PGS1: variants seen among roughly 807,000 people sequenced by gnomAD.
The protein encoded by PGS1 is phosphatidylglycerophosphate synthase 1, also known as CDP-diacylglycerol--glycerol-3-phosphate 3-phosphatidyltransferase, mitochondrial.
PGS1 carries 44 observed loss-of-function variants against 58.3 expected under a neutral mutation model. The observed-to-expected ratio is 0.75, with a 90% CI of 0.59 to 0.97. The LOEUF (loss-of-function observed/expected upper bound fraction) is 0.97. PGS1 is among the 50% of genes least tolerant of loss of function. The pLI is 0.00. For synonymous variants in PGS1, 330 were observed against 311.0 expected (o/e 1.06, Z -0.64); for missense variants, 684 against 731.1 (o/e 0.94, Z 0.74).
At chr17:78,419,809 T>TTCAGGGGTATG in intron 9 of PGS1, 134 bp downstream of exon 9, 1 of 1,481,186 alleles carries the variant, frequency 6.8e-7, no homozygotes, top group South Asian at 1.3e-5. Flanking sequence ...GAGCAGCATC[T>TTCAGGGGTATG]TCAGGGGTAT....
intron 6 of PGS1, 80 bp from the exon 7 acceptor site, chr17:78,403,488 A>C: frequency 1.4e-6 from 2 of 1,438,102 alleles, no homozygotes; most frequent in Non-Finnish European, 1.9e-6. Context: ...CTTGCCTATC[A>C]CATGCCCTGT....
At position 78,380,272 on chromosome 17, in the gene PGS1, G is replaced by C. The variant is rs373631481; in HGVS notation, c.143+1464G>C. Among the ~76,000 whole-genome samples the C allele has an allele frequency of 1.4e-3, 216 of 152,236 alleles. 2 individuals carry two copies. Among genetic ancestry groups the C allele is most frequent in the African/African-American group, 4.8e-3 (200 of 41,540 alleles). ...ATTGTGTTAGATTTTCTATCTGTAC[G>C]TGTACTCCTCGGGTGAGATTTGACC... On this transcript the variant is annotated intron_variant, in intron 1 of 9. Coordinates refer to ENST00000262764, the MANE Select transcript of PGS1 (RefSeq NM_024419.5).
At chr17:78,385,293 A>ATT (rs563493979) in intron 1 of PGS1, among the ~76,000 whole-genome samples, 18 of 126,978 alleles carry the variant, frequency 1.4e-4, no homozygotes, top group Admixed American at 3.9e-4. Context: ...TAATTTTTGT[A>ATT]TTTTTTTTTT....
chr17:78,423,999 G>A lies in PGS1; in HGVS notation c.*11-62G>A, dbSNP rs117340568. On this transcript the variant is annotated intron_variant, in intron 9 of 9. Coordinates refer to ENST00000262764, the MANE Select transcript of PGS1 (RefSeq NM_024419.5). ...TAAAGGTCCAGACATAGGTGGGGCC[G>A]CGGATGCGTGTTTTGTACACGGGAC... 3.2e-3 allele frequency: 5,167 copies of A among 1,614,034 alleles called. 13 individuals are homozygous for A. Among genetic ancestry groups the A allele is most frequent in the Non-Finnish European group, 4.0e-3 (4,716 of 1,179,896 alleles).
intron 7 of PGS1, among the ~76,000 whole-genome samples, chr17:78,409,593 C>T (rs534773410): frequency 6.6e-6 from 1 of 152,220 alleles, no homozygotes; most frequent in Admixed American, 6.5e-5. Flanking sequence ...AGGCTGAGCA[C>T]ACACACCAGC....
intron 3 of PGS1, among the ~76,000 whole-genome samples, chr17:78,397,782 C>T (rs2146188205): frequency 6.6e-6 from 1 of 152,208 alleles, no homozygotes; most frequent in East Asian, 1.9e-4. Context: ...GCCTGGAAGC[C>T]TGTGTGTTCT....
At chr17:78,407,626 G>T (rs2084268285) in intron 7 of PGS1, among the ~76,000 whole-genome samples, 1 of 152,258 alleles carries the variant, frequency 6.6e-6, no homozygotes, top group Non-Finnish European at 1.5e-5. Context: ...TGTAGGACAG[G>T]CCTGGGCTGA....
At chr17:78,412,966 C>G (rs1325911382) in intron 7 of PGS1, among the ~76,000 whole-genome samples, 1 of 152,144 alleles carries the variant, frequency 6.6e-6, no homozygotes, top group Non-Finnish European at 1.5e-5. Context: ...GAGGGGGGCT[C>G]TGTGTACGAG....
rs778279191 is a variant in PGS1 at position 78,403,726 on chromosome 17, CCT to C, written c.1040_1041del (p.Pro347ArgfsTer19). ...AGCTGCTGGGGATCGCAGACCAGCC[CCT>C]GACACCTGGATTTATCCGCTGATTC... ...AAAAGDRRPA[P>X]DTWIYPLIQM... On this transcript the variant is annotated frameshift_variant, in exon 7 of 10. Transcript: ENST00000262764. LOFTEE classifies it high-confidence loss of function. The C allele has an allele frequency of 6.2e-7, 1 of 1,614,226 alleles. No homozygotes were observed. Among genetic ancestry groups the C allele is most frequent in the South Asian group, 1.1e-5 (1 of 91,084 alleles).
chr17:78,378,941 TC>T, intron 1 of PGS1, 133 bp downstream of exon 1: 2 of 1,008,820 alleles, frequency 2.0e-6, no homozygotes, highest in Non-Finnish European at 2.7e-6. Flanking sequence ...CATTTCTGCC[TC>T]CCGGGGCTCG....
At chr17:78,423,257 T>G (rs1232641372) in intron 9 of PGS1, among the ~76,000 whole-genome samples, 2 of 152,142 alleles carry the variant, frequency 1.3e-5, no homozygotes, top group Non-Finnish European at 2.9e-5. Context: ...GCCACCTCAC[T>G]GCCGTGTCCT....
intron 7 of PGS1, among the ~76,000 whole-genome samples, chr17:78,409,398 G>A (rs2084433497): frequency 6.6e-6 from 1 of 152,264 alleles, no homozygotes; most frequent in African/African-American, 2.4e-5. Context: ...TCTGTTAATG[G>A]TTGTGAGAAT....
rs188493758 is a variant in PGS1 at position 78,422,997 on chromosome 17, G to A, written c.*11-1064G>A. On this transcript the variant is annotated intron_variant, in intron 9 of 9. Transcript: ENST00000262764. Reference sequence around the variant, plus strand: ...TGTAACCCCAGCTACTTGGGAGGTTGAGGCAGGAGAATCGCTTGAGCCCAG... The same window carrying A: ...TGTAACCCCAGCTACTTGGGAGGTTAAGGCAGGAGAATCGCTTGAGCCCAG... Among the ~76,000 whole-genome samples the A allele has an allele frequency of 1.9e-3, 287 of 152,044 alleles. 1 individual carries two copies. Among genetic ancestry groups the A allele is most frequent in the African/African-American group, 6.5e-3 (270 of 41,466 alleles).
chr17:78,381,148 T>C (rs1464620536), intron 1 of PGS1: 2 of 152,230 alleles, frequency 1.3e-5, no homozygotes, highest in East Asian at 3.8e-4. Flanking sequence ...CCAGCCACTT[T>C]TTTGTTTTTT....
intron 1 of PGS1, among the ~76,000 whole-genome samples, chr17:78,381,733 C>T (rs897805522): frequency 2.0e-5 from 3 of 152,220 alleles, no homozygotes; most frequent in East Asian, 3.9e-4. Flanking sequence ...CGTGAGGGGA[C>T]GTTCCTTTTA....
intron 2 of PGS1, among the ~76,000 whole-genome samples, chr17:78,396,018 G>T (rs1345178979): frequency 1.3e-5 from 2 of 152,266 alleles, no homozygotes; most frequent in Non-Finnish European, 2.9e-5. Flanking sequence ...GGGATTATAG[G>T]CGTGAGCCAC....
At position 78,400,881 on chromosome 17, in the gene PGS1, T is replaced by C. The variant is rs554165353; in HGVS notation, c.880+26T>C. The C allele has an allele frequency of 4.1e-4, 639 of 1,555,530 alleles. 13 individuals are homozygous for C. In the East Asian group the frequency reaches 0.015, roughly 36 times the overall value. On this transcript the variant is annotated intron_variant, in intron 6 of 9. Transcript: ENST00000262764. This position sits in a 1 kb window ranked among gnomAD's most constrained non-coding sequence, Gnocchi z 4.4. The stretch of plus-strand genomic sequence containing the variant: ...GTAGGGGCTGCCGCTGACACCCTTC[T>C]ATGGCTGTGGGTGGGGTGGAGTGAG...
chr17:78,423,929 C>T (rs775335572), intron 9 of PGS1, 132 bp from the exon 10 acceptor site: 13 of 1,613,952 alleles, frequency 8.1e-6, no homozygotes, highest in Admixed American at 1.7e-5. Flanking sequence ...AGCAGCGCCA[C>T]GGCTGCCAGG....
chr17:78,423,817 T>C, intron 9 of PGS1: 1 of 1,502,236 alleles, frequency 6.7e-7, no homozygotes, highest in South Asian at 1.2e-5. Context: ...CCACCACCAG[T>C]TCCTGTAAAG....
Sources: allele counts gnomAD v4.1 joint callset (sites outside exome capture counted in the v4.1 genomes callset), GRCh38; gene constraint gnomAD v4.1.1; non-coding constraint Gnocchi (gnomAD v3.1); transcripts MANE v1.5; gene names NCBI Gene and HGNC (gene_info 2026-07-23, HGNC 2026-07-21).